The following MSRA variants were observed in gnomAD, a reference collection of about 807,000 sequenced individuals.
MSRA encodes the protein methionine sulfoxide reductase A, also known as mitochondrial peptide methionine sulfoxide reductase.
Under a neutral mutation model 31.3 loss-of-function variants are expected in MSRA, and 54 were observed. The ratio of observed to expected loss-of-function variants is 1.73; its 90% CI spans 1.39 to 2.17. The LOEUF (loss-of-function observed/expected upper bound fraction) is 2.17, where lower values mean the gene tolerates loss of function less well. Ranked by LOEUF, MSRA falls within the 30% of genes most tolerant of loss-of-function variation. MSRA has a pLI of 0.00. For synonymous variants in MSRA, 169 were observed against 116.5 expected (o/e 1.45, Z -2.90); for missense variants, 507 against 300.9 (o/e 1.69, Z -5.07).
At chr8:10,254,647 TAGTC>T (rs780339487) in intron 3 of MSRA, among the ~76,000 whole-genome samples, 5 of 152,230 alleles carry the variant, frequency 3.3e-5, no homozygotes, top group Non-Finnish European at 7.3e-5. Context: ...CTTGCACAGT[TAGTC>T]AGTGTGCCAC....
intron 1 of MSRA, among the ~76,000 whole-genome samples, chr8:10,098,884 C>G (rs1017864887): frequency 2.0e-5 from 3 of 152,180 alleles, no homozygotes; most frequent in African/African-American, 4.8e-5. Flanking sequence ...ATTGAACCTT[C>G]GAAGACGTGG....
intron 2 of MSRA, among the ~76,000 whole-genome samples, chr8:10,240,757 G>C (rs1812339538): frequency 6.6e-6 from 1 of 152,094 alleles, no homozygotes; most frequent in African/African-American, 2.4e-5. Flanking sequence ...GGCCACTCTA[G>C]AGTAAGGCTG....
chr8:10,428,383 G>A lies in MSRA; in HGVS notation c.*71G>A. 1 of 1,498,394 alleles carries A rather than the reference G, an allele frequency of 6.7e-7. No homozygotes were observed. Among genetic ancestry groups the A allele is most frequent in the South Asian group, 1.2e-5 (1 of 84,208 alleles). The allele number at this position is 1,498,394 out of a possible 1,614,324, so 92.8% of individuals were successfully genotyped here. A position where few individuals can be genotyped will look rare whatever the true frequency, so the allele number is the denominator to read the frequency against. On this transcript the variant is annotated 3_prime_UTR_variant, in exon 6 of 6. Transcript: ENST00000317173. ...TCAACAAATTGGGCAATGCTTGTGT[G>A]ATTCACAATCGTGGCATTTAAAGTG...
chr8:10,249,672 G>C (rs1340671317), intron 3 of MSRA, among the ~76,000 whole-genome samples: 1 of 152,164 alleles, frequency 6.6e-6, no homozygotes, highest in East Asian at 1.9e-4. Context: ...CTGGGACACA[G>C]GGTAGCATCT....
chr8:10,068,681 T>G (rs1797582169), intron 1 of MSRA, among the ~76,000 whole-genome samples: 1 of 152,250 alleles, frequency 6.6e-6, no homozygotes, highest in Non-Finnish European at 1.5e-5. Flanking sequence ...CAAATGTCTT[T>G]TCTTTTGCTG....
chr8:10,060,840 C>T (rs1168174951), intron 1 of MSRA, among the ~76,000 whole-genome samples: 1 of 152,118 alleles, frequency 6.6e-6, no homozygotes, highest in Non-Finnish European at 1.5e-5. Flanking sequence ...ATCATTTATA[C>T]AAAGAACAGA....
chr8:10,251,253 G>A (rs1797901832), intron 3 of MSRA, among the ~76,000 whole-genome samples: 4 of 151,902 alleles, frequency 2.6e-5, no homozygotes, highest in Admixed American at 2.6e-4. Flanking sequence ...TGTTTGGGTG[G>A]AAGCGCATGT....
At position 10,268,866 on chromosome 8, in the gene MSRA, T is replaced by G. The variant is rs1386489586; in HGVS notation, c.331+23643T>G. Among the ~76,000 whole-genome samples, 4 of 152,362 alleles carry G rather than the reference T, an allele frequency of 2.6e-5. No individual in the cohort carries two copies. In the East Asian group the frequency reaches 5.8e-4, roughly 22 times the overall value. ...TCCTGTTATCCTCCTGGAATTCAGG[T>G]ACAATTTAACTTCTTGCCATTAAAA... is the stretch of plus-strand genomic sequence containing the variant. On this transcript the variant is annotated intron_variant, in intron 3 of 5. Coordinates refer to ENST00000317173, the MANE Select transcript of MSRA (RefSeq NM_012331.5).
At chr8:10,213,082 T>C (rs922764518) in intron 2 of MSRA, among the ~76,000 whole-genome samples, 7 of 152,190 alleles carry the variant, frequency 4.6e-5, no homozygotes, top group African/African-American at 1.7e-4. Context: ...ACAATTAAAT[T>C]ACTACTAACT....
chr8:10,357,683 A>G (rs1161028865), intron 5 of MSRA, among the ~76,000 whole-genome samples: 1 of 151,966 alleles, frequency 6.6e-6, no homozygotes, highest in African/African-American at 2.4e-5. Context: ...TTTTAATCAG[A>G]AAAAAGTATT....
chr8:10,092,820 A>AT (rs1798924570), intron 1 of MSRA, among the ~76,000 whole-genome samples: 1 of 151,958 alleles, frequency 6.6e-6, no homozygotes, highest in Admixed American at 6.6e-5. Context: ...TGAATTACCC[A>AT]TTTTTCCCTT....
In MSRA at chr8:10,379,486, C is replaced by T. The variant is rs374226454; in HGVS notation, c.544-48662C>T. Among the ~76,000 whole-genome samples, 3 of 152,194 alleles carry T rather than the reference C, an allele frequency of 2.0e-5. No individual in the cohort carries two copies. The East Asian group carries it at 5.8e-4, about 29-fold the overall frequency. The stretch of plus-strand genomic sequence containing the variant: ...CTGGGCTGGAGCCTGTGGCCTCGCC[C>T]CATGCCAGGCCCTCCGTCTGGTCAT... On this transcript the variant is annotated intron_variant, in intron 5 of 5. Transcript: ENST00000317173.
intron 1 of MSRA, among the ~76,000 whole-genome samples, chr8:10,109,189 C>G (rs181208944): frequency 6.1e-4 from 93 of 152,298 alleles, no homozygotes; most frequent in Non-Finnish European, 1.0e-3. Context: ...AAAAAAAGCA[C>G]TTTGGCTCAG....
chr8:10,187,348 A>G (rs1807142653), intron 1 of MSRA, among the ~76,000 whole-genome samples: 2 of 152,306 alleles, frequency 1.3e-5, no homozygotes, highest in Middle Eastern at 3.4e-3. Flanking sequence ...GGAATTTGGA[A>G]AGAAGCACAG....
At chr8:10,198,911 T>C (rs891943647) in intron 1 of MSRA, among the ~76,000 whole-genome samples, 1 of 152,232 alleles carries the variant, frequency 6.6e-6, no homozygotes, top group African/African-American at 2.4e-5. Flanking sequence ...TCATGTGCCA[T>C]GAGCAGTGTA....
chr8:10,252,681 G>A (rs994005070), intron 3 of MSRA, among the ~76,000 whole-genome samples: 1 of 152,160 alleles, frequency 6.6e-6, no homozygotes, highest in Non-Finnish European at 1.5e-5. Flanking sequence ...GCAGAATCAG[G>A]GCAAGTGGAC....
chr8:10,119,213 G>A (rs980519330), intron 1 of MSRA, among the ~76,000 whole-genome samples: 1 of 152,194 alleles, frequency 6.6e-6, no homozygotes, highest in African/African-American at 2.4e-5. Context: ...CTGGGATATT[G>A]TTTCAGGTAT....
chr8:10,142,791 C>T (rs762739584), intron 1 of MSRA, among the ~76,000 whole-genome samples: 5 of 152,146 alleles, frequency 3.3e-5, no homozygotes, highest in Non-Finnish European at 7.3e-5. Context: ...GCGATAATAG[C>T]CATAATAGTT....
chr8:10,283,834 T>TACACACACACACACACACACACAC (rs1481715144), intron 3 of MSRA, among the ~76,000 whole-genome samples: 114 of 71,054 alleles, frequency 1.6e-3, no homozygotes, highest in Middle Eastern at 6.7e-3. Flanking sequence ...TATATATATA[T>TACACACACACACACACACACACAC]ATACACACAC....
Sources: allele counts gnomAD v4.1 joint callset (sites outside exome capture counted in the v4.1 genomes callset), GRCh38; gene constraint gnomAD v4.1.1; transcripts MANE v1.5; gene names NCBI Gene and HGNC (gene_info 2026-07-23, HGNC 2026-07-21).